Variants in OPCML observed in about 807,000 individuals in gnomAD.
OPCML encodes the protein opioid-binding protein/cell adhesion molecule.
A neutral mutation model predicts 37.8 loss-of-function variants in OPCML; 13 were observed. The ratio of observed to expected loss-of-function variants is 0.34; its 90% CI spans 0.22 to 0.55. The LOEUF (loss-of-function observed/expected upper bound fraction) is 0.55. OPCML is among the 20% of genes least tolerant of loss of function. OPCML has a pLI of 0.91. For synonymous variants in OPCML, 176 were observed against 168.8 expected, an observed-to-expected ratio of 1.04 and a Z score of -0.33; for missense variants, 341 against 435.6, an observed-to-expected ratio of 0.78 and a Z score of 1.93.
At chr11:132,498,158 C>T (rs1257623162) in intron 4 of OPCML, among the ~76,000 whole-genome samples, 1 of 152,046 alleles carries the variant, frequency 6.6e-6, no homozygotes, top group Non-Finnish European at 1.5e-5. Context: ...TCAATAATTC[C>T]GTTTCAAATC....
chr11:132,932,090 G>T (rs1300583289), intron 2 of OPCML, among the ~76,000 whole-genome samples: 2 of 152,098 alleles, frequency 1.3e-5, no homozygotes, highest in Non-Finnish European at 2.9e-5. Context: ...GAGACAGAAA[G>T]AAAAGTAGTA....
chr11:132,592,957 C>T (rs751703982), intron 3 of OPCML, among the ~76,000 whole-genome samples: 24 of 151,994 alleles, frequency 1.6e-4, no homozygotes, highest in Non-Finnish European at 2.8e-4. Context: ...CCTTTCTCTT[C>T]GAGGAGAGAG....
intron 1 of OPCML, among the ~76,000 whole-genome samples, chr11:133,373,824 T>C (rs1328258752): frequency 6.6e-6 from 1 of 152,204 alleles, no homozygotes; most frequent in African/African-American, 2.4e-5. Flanking sequence ...CCATGTCATA[T>C]ATAAACTCAC....
intron 2 of OPCML, among the ~76,000 whole-genome samples, chr11:132,734,550 T>C (rs887702599): frequency 1.3e-5 from 2 of 152,182 alleles, no homozygotes; most frequent in African/African-American, 4.8e-5. Context: ...CACTCATACC[T>C]TCAGATGCAG....
chr11:133,049,490 C>T (rs7933116), intron 1 of OPCML, among the ~76,000 whole-genome samples: 25,170 of 152,052 alleles, frequency 0.17, 2,368 homozygotes, highest in African/African-American at 0.24. Flanking sequence ...TTAGTGTCTT[C>T]GTCTGTAAAA....
chr11:132,497,399 TTAAAA>T (rs1465870826), intron 4 of OPCML, among the ~76,000 whole-genome samples: 3 of 138,444 alleles, frequency 2.2e-5, no homozygotes, highest in Non-Finnish European at 1.5e-5. Context: ...ACCCCTGAAC[TTAAAA>T]TAAAAGCTGA....
chr11:132,752,324 A>G (rs1007468855), intron 2 of OPCML, among the ~76,000 whole-genome samples: 1 of 152,216 alleles, frequency 6.6e-6, no homozygotes, highest in Non-Finnish European at 1.5e-5. Context: ...CTAATATTCA[A>G]CAAACATTCT....
chr11:133,518,721 G>T (rs7951656), intron 1 of OPCML, among the ~76,000 whole-genome samples: 3 of 126,702 alleles, frequency 2.4e-5, no homozygotes, highest in African/African-American at 4.6e-5. Flanking sequence ...GCTGGTGTGT[G>T]TGGGGCTGTG....
At chr11:132,812,018 C>T (rs1939375373) in intron 2 of OPCML, among the ~76,000 whole-genome samples, 1 of 152,190 alleles carries the variant, frequency 6.6e-6, no homozygotes, top group East Asian at 1.9e-4. Flanking sequence ...CAGTGGCTTG[C>T]AGCATAAAAT....
chr11:132,570,902 A>G (rs1485052865), intron 3 of OPCML, among the ~76,000 whole-genome samples: 1 of 149,894 alleles, frequency 6.7e-6, no homozygotes, highest in Non-Finnish European at 1.5e-5. Context: ...TGTCAACTCA[A>G]TTGGATTGAA....
chr11:133,413,369 C>T (rs918519881), intron 1 of OPCML, among the ~76,000 whole-genome samples: 11 of 151,750 alleles, frequency 7.2e-5, no homozygotes, highest in Non-Finnish European at 1.3e-4. Flanking sequence ...GGGAGATGTA[C>T]CTAATGCTAG....
chr11:132,569,863 G>A (rs2096433137), intron 3 of OPCML, among the ~76,000 whole-genome samples: 1 of 151,742 alleles, frequency 6.6e-6, no homozygotes, highest in Admixed American at 6.6e-5. Context: ...TCAATTAAGA[G>A]GGAGGATAAA....
chr11:133,326,322 T>TG (rs1197895611), intron 1 of OPCML, among the ~76,000 whole-genome samples: 3 of 27,758 alleles, frequency 1.1e-4, no homozygotes, highest in Non-Finnish European at 1.8e-4. Context: ...TATAAGTGTG[T>TG]GGGGGGAGTG....
chr11:133,268,732 A>C (rs1377469554), intron 1 of OPCML, among the ~76,000 whole-genome samples: 1 of 152,252 alleles, frequency 6.6e-6, no homozygotes, highest in African/African-American at 2.4e-5. Flanking sequence ...TCATCATCTT[A>C]TAAAAGAGAA....
intron 1 of OPCML, among the ~76,000 whole-genome samples, chr11:133,430,828 T>A (rs1363927712): frequency 6.6e-6 from 1 of 152,190 alleles, no homozygotes; most frequent in Non-Finnish European, 1.5e-5. Flanking sequence ...TTAACCTTCT[T>A]AAAATATTAT....
At chr11:133,141,465 C>A (rs1341327569) in intron 1 of OPCML, among the ~76,000 whole-genome samples, 2 of 152,148 alleles carry the variant, frequency 1.3e-5, no homozygotes, top group Non-Finnish European at 2.9e-5. Context: ...ACCAGGGCAG[C>A]CCTAGCCTTT....
At chr11:132,426,033 C>T (rs930471051) in intron 7 of OPCML, among the ~76,000 whole-genome samples, 3 of 152,154 alleles carry the variant, frequency 2.0e-5, no homozygotes, top group Admixed American at 2.0e-4. Context: ...CTCCTTCACC[C>T]TTTTTAATGT....
intron 1 of OPCML, among the ~76,000 whole-genome samples, chr11:133,197,892 C>T (rs1036756970): frequency 2.6e-5 from 4 of 152,086 alleles, no homozygotes; most frequent in Admixed American, 6.6e-5. Context: ...ATATCTGGGA[C>T]GTTCATAGCC....
At chr11:133,494,017 A>G (rs1947724955) in intron 1 of OPCML, among the ~76,000 whole-genome samples, 2 of 152,080 alleles carry the variant, frequency 1.3e-5, no homozygotes, top group South Asian at 2.1e-4. Context: ...ATTTACAAAA[A>G]AAAAAAACAC....
Sources: gnomAD v4.1 joint callset for allele counts (sites outside exome capture counted in the v4.1 genomes callset) on GRCh38, gnomAD v4.1.1 for gene constraint, MANE v1.5 for transcripts, NCBI Gene and HGNC (gene_info 2026-07-23, HGNC 2026-07-21) for gene names.